The following IMMP1L variants were observed in gnomAD, a reference collection of about 807,000 sequenced individuals.
The protein encoded by IMMP1L is inner mitochondrial membrane peptidase subunit 1.
IMMP1L carries 24 observed loss-of-function variants against 21.8 expected under a neutral mutation model. The observed-to-expected ratio is 1.10, with a 90% CI of 0.80 to 1.55. The LOEUF is 1.55. IMMP1L is among the 40% of genes most tolerant of loss of function. The pLI is 0.00. For synonymous variants in IMMP1L, 46 were observed against 62.8 expected (o/e 0.73, Z 1.26); for missense variants, 195 against 200.7 (o/e 0.97, Z 0.17).
At chr11:31,440,682 C>T (rs1279373966) in intron 4 of IMMP1L, among the ~76,000 whole-genome samples, 3 of 152,200 alleles carry the variant, frequency 2.0e-5, no homozygotes, top group African/African-American at 4.8e-5. Context: ...TGAGCCACTG[C>T]GCCCAGCCTT....
chr11:31,460,735 T>C, intron 2 of IMMP1L, 21 bp from the exon 3 acceptor site: 1 of 1,401,320 alleles, frequency 7.1e-7, no homozygotes, highest in African/African-American at 1.4e-5. Flanking sequence ...AGGTAATTTG[T>C]AATCTAAATT....
At chr11:31,452,433 A>G in intron 4 of IMMP1L, 1 of 985,384 alleles carries the variant, frequency 1.0e-6, no homozygotes, top group Non-Finnish European at 1.2e-6. Context: ...TTTACTTTGC[A>G]TTTTGCCTGC....
chr11:31,452,426 A>G (rs1005218267), intron 4 of IMMP1L: 2 of 985,444 alleles, frequency 2.0e-6, no homozygotes, highest in African/African-American at 1.7e-5. Context: ...ATAGAGGTTT[A>G]CTTTGCATTT....
At chr11:31,475,298 CAAT>C (rs1267060602) in intron 1 of IMMP1L, among the ~76,000 whole-genome samples, 2 of 152,130 alleles carry the variant, frequency 1.3e-5, no homozygotes, top group Non-Finnish European at 2.9e-5. Flanking sequence ...ATTCATTCAC[CAAT>C]AATACAACTA....
chr11:31,476,719 CTAAT>C (rs1332315440), intron 1 of IMMP1L, among the ~76,000 whole-genome samples: 6 of 152,126 alleles, frequency 3.9e-5, no homozygotes, highest in African/African-American at 1.2e-4. Context: ...ACTGACAACA[CTAAT>C]TATCTTTTCT....
At chr11:31,438,874 T>G (rs1953216638) in intron 4 of IMMP1L, among the ~76,000 whole-genome samples, 1 of 152,196 alleles carries the variant, frequency 6.6e-6, no homozygotes, top group African/African-American at 2.4e-5. Flanking sequence ...TCTTCACATA[T>G]TATACCACTT....
At chr11:31,464,395 A>G (rs762397355) in intron 1 of IMMP1L, among the ~76,000 whole-genome samples, 7 of 152,150 alleles carry the variant, frequency 4.6e-5, no homozygotes, top group African/African-American at 7.2e-5. Flanking sequence ...ATTCTTCTCA[A>G]ACTATTCCAA....
intron 4 of IMMP1L, among the ~76,000 whole-genome samples, chr11:31,441,499 TAAAC>T (rs955295086): frequency 3.9e-5 from 6 of 152,138 alleles, no homozygotes; most frequent in Non-Finnish European, 8.8e-5. Context: ...AGAACACATT[TAAAC>T]AAACATACAG....
At chr11:31,492,298 C>G (rs553485064) in intron 1 of IMMP1L, among the ~76,000 whole-genome samples, 1 of 152,288 alleles carries the variant, frequency 6.6e-6, no homozygotes, top group East Asian at 1.9e-4. Context: ...CCTCTGCTAT[C>G]TTTCAAATGT....
At chr11:31,453,340 A>C (rs1953822948) in intron 4 of IMMP1L, among the ~76,000 whole-genome samples, 2 of 152,216 alleles carry the variant, frequency 1.3e-5, no homozygotes, top group African/African-American at 4.8e-5. Context: ...TGCTTTCTGA[A>C]GCACCTACAT....
At chr11:31,453,099 G>A (rs1348230103) in intron 4 of IMMP1L, 3 of 1,289,082 alleles carry the variant, frequency 2.3e-6, no homozygotes, top group South Asian at 1.2e-5. Context: ...ATACCTAACA[G>A]TAAAAAATAA....
At chr11:31,473,023 G>A (rs1239083424) in intron 1 of IMMP1L, among the ~76,000 whole-genome samples, 1 of 151,112 alleles carries the variant, frequency 6.6e-6, no homozygotes, top group South Asian at 2.1e-4. Context: ...CCGCCACCTC[G>A]CACGGCTAAT....
chr11:31,465,607 A>C (rs1294474875), intron 1 of IMMP1L, among the ~76,000 whole-genome samples: 1 of 152,160 alleles, frequency 6.6e-6, no homozygotes, highest in Non-Finnish European at 1.5e-5. Context: ...ACATAGACCA[A>C]TGGGACACAA....
intron 1 of IMMP1L, among the ~76,000 whole-genome samples, chr11:31,469,244 T>C (rs145464040): frequency 4.2e-4 from 64 of 151,106 alleles, no homozygotes; most frequent in African/African-American, 1.3e-3. Flanking sequence ...TAAAATAGAA[T>C]CAAATGACTG....
At chr11:31,488,430 T>A (rs1356208802) in intron 1 of IMMP1L, among the ~76,000 whole-genome samples, 1 of 152,092 alleles carries the variant, frequency 6.6e-6, no homozygotes, top group Non-Finnish European at 1.5e-5. Context: ...CAGACAATAT[T>A]AAAGTCCTTT....
rs149012987 is a variant in IMMP1L at position 31,489,347 on chromosome 11, T to C, written c.-30+20172A>G. 8.0e-3 allele frequency among the ~76,000 whole-genome samples: 1,225 copies of C among 152,338 alleles called. 19 individuals are homozygous for C. The highest frequency in any genetic ancestry group is 0.026 in the African/African-American group (1,073 of 41,570). Reference sequence around the variant, plus strand: ...ATATGCATAATTGCATATATCTATATAATATACAATATCACATATCAATGT... The same window carrying C: ...ATATGCATAATTGCATATATCTATACAATATACAATATCACATATCAATGT... On this transcript the variant is annotated intron_variant, in intron 1 of 5. Coordinates refer to ENST00000532287, the MANE Select transcript of IMMP1L (RefSeq NM_001304274.2).
At chr11:31,506,983 CAAAA>C (rs1565022370) in intron 1 of IMMP1L, among the ~76,000 whole-genome samples, 1 of 143,964 alleles carries the variant, frequency 6.9e-6, no homozygotes, top group African/African-American at 2.6e-5. Flanking sequence ...AACAAACAAA[CAAAA>C]AACCCATATT....
intron 2 of IMMP1L, among the ~76,000 whole-genome samples, chr11:31,462,110 T>A (rs1954162525): frequency 6.6e-6 from 1 of 151,864 alleles, no homozygotes; most frequent in African/African-American, 2.4e-5. Context: ...AGGCCAGGAG[T>A]TCGTGCACAG....
At chr11:31,496,895 TATATC>T (rs1024542264) in intron 1 of IMMP1L, among the ~76,000 whole-genome samples, 29 of 148,078 alleles carry the variant, frequency 2.0e-4, no homozygotes, top group South Asian at 6.3e-4. Flanking sequence ...TATATGATCT[TATATC>T]ATATATAATA....
Sources: allele counts gnomAD v4.1 joint callset (sites outside exome capture counted in the v4.1 genomes callset), GRCh38; gene constraint gnomAD v4.1.1; transcripts MANE v1.5; gene names NCBI Gene and HGNC (gene_info 2026-07-23, HGNC 2026-07-21).